The following AKAP19 variants were observed in gnomAD, a reference collection of about 807,000 sequenced individuals.
AKAP19 encodes the protein A-kinase anchoring protein 19, also known as small A-kinase anchoring protein.
the AKAP19 span, among the ~76,000 whole-genome samples, chr2:189,894,704 A>G: frequency 6.6e-6 from 1 of 150,970 alleles, no homozygotes; most frequent in South Asian, 2.1e-4. Flanking sequence ...AAATGTTAAT[A>G]TATAGAAAAA....
chr2:189,942,864 AAAAGGTTC>A, the AKAP19 span, among the ~76,000 whole-genome samples: 3 of 152,228 alleles, frequency 2.0e-5, no homozygotes, highest in South Asian at 4.1e-4. Flanking sequence ...TCTAAGCAGC[AAAAGGTTC>A]AAGATGTGGT....
At chr2:190,038,917 TTC>T in the AKAP19 span, among the ~76,000 whole-genome samples, 125 of 134,580 alleles carry the variant, frequency 9.3e-4, no homozygotes, top group African/African-American at 3.6e-3. Flanking sequence ...CTTCTTCTTC[TTC>T]TTCTTCTTCT....
At chr2:190,102,118 G>T in the AKAP19 span, among the ~76,000 whole-genome samples, 1 of 151,874 alleles carries the variant, frequency 6.6e-6, no homozygotes, top group South Asian at 2.1e-4. Flanking sequence ...AACAAATTAA[G>T]GCAGAAATAA....
the AKAP19 span, among the ~76,000 whole-genome samples, chr2:189,922,624 T>C: frequency 1.3e-5 from 2 of 152,260 alleles, no homozygotes; most frequent in African/African-American, 2.4e-5. Context: ...CCAATGCACA[T>C]GTTCCCAGCT....
the AKAP19 span, among the ~76,000 whole-genome samples, chr2:190,187,813 A>G: frequency 6.6e-6 from 1 of 152,174 alleles, no homozygotes; most frequent in African/African-American, 2.4e-5. Context: ...ACAACTGGCC[A>G]CTGTACTCCA....
At chr2:190,176,011 A>G in the AKAP19 span, among the ~76,000 whole-genome samples, 1 of 152,160 alleles carries the variant, frequency 6.6e-6, no homozygotes, top group South Asian at 2.1e-4. This position sits in a 1 kb window ranked among gnomAD's most constrained non-coding sequence, Gnocchi z 4.7. Flanking sequence ...AAACCTACCA[A>G]ACCTGCTTGT....
the AKAP19 span, among the ~76,000 whole-genome samples, chr2:189,931,570 TC>T: frequency 6.6e-6 from 1 of 152,044 alleles, no homozygotes; most frequent in East Asian, 1.9e-4. Context: ...CTCGCTATGT[TC>T]CCCAGGCTGG....
the AKAP19 span, among the ~76,000 whole-genome samples, chr2:189,906,959 C>T: frequency 1.3e-5 from 2 of 152,126 alleles, no homozygotes; most frequent in Non-Finnish European, 2.9e-5. Context: ...TACACATGCT[C>T]AAATGCACAG....
chr2:190,087,934 T>C, the AKAP19 span, among the ~76,000 whole-genome samples: 1 of 152,120 alleles, frequency 6.6e-6, no homozygotes, highest in Non-Finnish European at 1.5e-5. Flanking sequence ...TTTTAAAACC[T>C]CAGATGGCTT....
chr2:190,111,894 G>GT, the AKAP19 span, among the ~76,000 whole-genome samples: 1 of 145,926 alleles, frequency 6.9e-6, no homozygotes, highest in Non-Finnish European at 1.5e-5. Context: ...TTTTTGTTTT[G>GT]TTTTTTTGTT....
the AKAP19 span, among the ~76,000 whole-genome samples, chr2:189,950,077 G>T: frequency 0.66 from 92,834 of 139,918 alleles, 31,983 homozygotes; most frequent in South Asian, 0.78. Context: ...CCCCAGGCTG[G>T]AGTGCAATGG....
the AKAP19 span, among the ~76,000 whole-genome samples, chr2:190,077,272 T>G: frequency 0.05 from 7,649 of 151,696 alleles, 674 homozygotes; most frequent in African/African-American, 0.18. Context: ...TGCAGTAGCA[T>G]GATCTTGGCT....
the AKAP19 span, among the ~76,000 whole-genome samples, chr2:190,029,057 T>G: frequency 6.8e-6 from 1 of 147,824 alleles, no homozygotes; most frequent in African/African-American, 2.5e-5. Context: ...CTGTAAGGAT[T>G]TTTTTTTTTT....
At chr2:189,926,159 T>C in the AKAP19 span, among the ~76,000 whole-genome samples, 13 of 152,246 alleles carry the variant, frequency 8.5e-5, no homozygotes, top group African/African-American at 2.7e-4. Context: ...TTTTCTTGAC[T>C]ATTTTCCAAG....
the AKAP19 span, among the ~76,000 whole-genome samples, chr2:190,024,388 A>C: frequency 4.9e-4 from 74 of 150,792 alleles, 1 homozygote; most frequent in South Asian, 0.015. Flanking sequence ...GTGTATATAT[A>C]TATATATACA....
At chr2:189,993,939 C>G in the AKAP19 span, among the ~76,000 whole-genome samples, 2 of 150,640 alleles carry the variant, frequency 1.3e-5, no homozygotes, top group African/African-American at 4.9e-5. Flanking sequence ...TTTTGTTTGT[C>G]TTGTCAAAAA....
the AKAP19 span, among the ~76,000 whole-genome samples, chr2:190,194,477 TACACACAC>T: frequency 0.018 from 2,568 of 141,460 alleles, 41 homozygotes; most frequent in African/African-American, 0.05. Context: ...ATCCTGTGTA[TACACACAC>T]ACACACACAC....
At chr2:189,935,382 G>C in the AKAP19 span, among the ~76,000 whole-genome samples, 1 of 151,780 alleles carries the variant, frequency 6.6e-6, no homozygotes, top group Non-Finnish European at 1.5e-5. Context: ...AGCTAACATT[G>C]GTAAAGTAAA....
At chr2:189,952,985 A>T in the AKAP19 span, among the ~76,000 whole-genome samples, 5 of 152,202 alleles carry the variant, frequency 3.3e-5, no homozygotes, top group African/African-American at 4.8e-5. Context: ...GATTATGGTA[A>T]TATCAACAGA....
Sources: gnomAD v4.1 joint callset for allele counts (sites outside exome capture counted in the v4.1 genomes callset) on GRCh38, gnomAD v4.1.1 for gene constraint, Gnocchi (gnomAD v3.1) non-coding constraint, MANE v1.5 for transcripts, NCBI Gene and HGNC (gene_info 2026-07-23, HGNC 2026-07-21) for gene names.